LAMA3: variants seen among roughly 807,000 people sequenced by gnomAD.
LAMA3 encodes the protein laminin subunit alpha 3, also known as laminin subunit alpha-3.
A neutral mutation model predicts 402.0 loss-of-function variants in LAMA3; 281 were observed. That is an observed-to-expected ratio of 0.70 (90% CI 0.63 to 0.77). The LOEUF (loss-of-function observed/expected upper bound fraction) is 0.77, where lower values mean the gene tolerates loss of function less well. Ranked by LOEUF, LAMA3 falls within the 30% of genes least tolerant of loss-of-function variation. The pLI is 0.00. For synonymous variants in LAMA3, 1,431 were observed against 1,558.4 expected (o/e 0.92, Z 1.93); for missense variants, 3,840 against 4,215.5 (o/e 0.91, Z 2.47).
chr18:23,799,179 G>T (rs1443981270), intron 12 of LAMA3, among the ~76,000 whole-genome samples: 2 of 152,132 alleles, frequency 1.3e-5, no homozygotes, highest in African/African-American at 2.4e-5. Context: ...TTATTTCAAA[G>T]ACTTTTTTTG....
chr18:23,942,181 A>T (rs1288592933), intron 68 of LAMA3, among the ~76,000 whole-genome samples: 1 of 152,188 alleles, frequency 6.6e-6, no homozygotes, highest in Non-Finnish European at 1.5e-5. Context: ...TCAATTCAGT[A>T]ACTATTTATC....
intron 2 of LAMA3, among the ~76,000 whole-genome samples, chr18:23,714,732 A>G (rs1249996001): frequency 6.6e-6 from 1 of 152,186 alleles, no homozygotes; most frequent in Non-Finnish European, 1.5e-5. Flanking sequence ...CATTATGTAC[A>G]TTGGCATCAT....
chr18:23,828,540 T>C (rs1466816548), intron 23 of LAMA3, among the ~76,000 whole-genome samples: 4 of 152,150 alleles, frequency 2.6e-5, no homozygotes, highest in Non-Finnish European at 5.9e-5. Flanking sequence ...CATACATATA[T>C]ACATAAAATG....
chr18:23,934,785 C>A (rs1265143675), intron 67 of LAMA3, among the ~76,000 whole-genome samples: 1 of 152,230 alleles, frequency 6.6e-6, no homozygotes, highest in Non-Finnish European at 1.5e-5. Flanking sequence ...GGAGTTCCAA[C>A]CTAGGAGCCC....
intron 23 of LAMA3, among the ~76,000 whole-genome samples, chr18:23,831,141 A>G (rs1471008560): frequency 6.6e-6 from 1 of 152,162 alleles, no homozygotes; most frequent in African/African-American, 2.4e-5. Context: ...TCTCTGTAGA[A>G]GCCTCCTAAC....
chr18:23,870,651 C>T (rs1162725777), intron 37 of LAMA3, among the ~76,000 whole-genome samples: 3 of 151,972 alleles, frequency 2.0e-5, no homozygotes, highest in African/African-American at 7.3e-5. Context: ...ATATTATTCC[C>T]CCTTAAAAAT....
intron 2 of LAMA3, among the ~76,000 whole-genome samples, chr18:23,743,391 C>A (rs748794392): frequency 2.5e-4 from 38 of 152,128 alleles, no homozygotes; most frequent in Admixed American, 1.6e-3. Context: ...CCAAATGGTA[C>A]CTGCCCCTTG....
At chr18:23,858,326 G>C (rs1486746162) in intron 33 of LAMA3, among the ~76,000 whole-genome samples, 1 of 152,090 alleles carries the variant, frequency 6.6e-6, no homozygotes, top group Non-Finnish European at 1.5e-5. Flanking sequence ...GATCATCTCT[G>C]CTCCAAGGGG....
chr18:23,882,285 A>G (rs993368971), intron 40 of LAMA3, among the ~76,000 whole-genome samples: 2 of 152,222 alleles, frequency 1.3e-5, no homozygotes, highest in Admixed American at 6.5e-5. Flanking sequence ...TATGTAAATT[A>G]TATCTCAATA....
At chr18:23,883,112 A>C (rs1213516358) in intron 40 of LAMA3, among the ~76,000 whole-genome samples, 1 of 152,226 alleles carries the variant, frequency 6.6e-6, no homozygotes, top group East Asian at 1.9e-4. Context: ...GCAGAAGTGC[A>C]GTGTGAAGAG....
At chr18:23,840,069 C>G (rs2063664821) in intron 27 of LAMA3, 140 bp downstream of exon 27, 2 of 903,242 alleles carry the variant, frequency 2.2e-6, no homozygotes, top group Admixed American at 2.0e-5. Flanking sequence ...TGGGGGTGGG[C>G]CCAGGAATCT....
Position 23,861,802 on chromosome 18 carries a change from G to T in LAMA3, c.4579G>T (p.Asp1527Tyr). The part of the protein sequence containing the change: ...SWVAPTSYLG[D>Y]KVSSYGGYLT... The stretch of plus-strand genomic sequence containing the variant: ...GGTCGCACCCACCTCCTACCTGGGG[G>T]ACAAGGTAATGATGTCCTGCTGTTC... The change falls in exon 35 of 75, where the codon GAC (aspartate) becomes TAC (tyrosine). Residue 1527 changes from aspartate (D) to tyrosine (Y), a missense_variant. Physicochemically the swap from Asp to Tyr is radical, Grantham distance 160. Transcript: ENST00000313654. The T allele has an allele frequency of 6.2e-7, 1 of 1,612,384 alleles. No homozygotes were observed. The highest frequency in any genetic ancestry group is 8.5e-7 in the Non-Finnish European group (1 of 1,179,150).
intron 40 of LAMA3, among the ~76,000 whole-genome samples, chr18:23,883,265 C>T (rs1028709132): frequency 2.0e-5 from 3 of 152,186 alleles, no homozygotes; most frequent in African/African-American, 7.2e-5. Context: ...AGCTCTCATT[C>T]AGCCTCCAGA....
chr18:23,748,419 T>TTG, intron 3 of LAMA3, among the ~76,000 whole-genome samples: 1 of 124,874 alleles, frequency 8.0e-6, no homozygotes, highest in Non-Finnish European at 1.6e-5. Context: ...AGACTCTGTC[T>TTG]CAAAAAAAAA....
intron 2 of LAMA3, among the ~76,000 whole-genome samples, chr18:23,736,293 G>A (rs2061473748): frequency 6.7e-6 from 1 of 148,398 alleles, no homozygotes. Flanking sequence ...CTAGTTTGAC[G>A]TCTTCAATTT....
At chr18:23,820,943 G>T (rs939294376) in intron 19 of LAMA3, among the ~76,000 whole-genome samples, 1 of 152,032 alleles carries the variant, frequency 6.6e-6, no homozygotes, top group African/African-American at 2.4e-5. Context: ...TTCTGAAATG[G>T]TACCTAGGAT....
chr18:23,898,485 G>A, intron 44 of LAMA3: 1 of 523,578 alleles, frequency 1.9e-6, no homozygotes, highest in South Asian at 2.2e-5. Context: ...TATAAGGTTA[G>A]GTCATTAATT....
At chr18:23,946,020 C>A in intron 69 of LAMA3, 124 bp from the exon 70 acceptor site, 1 of 929,078 alleles carries the variant, frequency 1.1e-6, no homozygotes, top group Non-Finnish European at 1.8e-6. Context: ...AATCTCTCAT[C>A]TTTTGAAGCT....
chr18:23,713,895 A>T, intron 1 of LAMA3, 25 bp from the exon 2 acceptor site: 1 of 1,605,724 alleles, frequency 6.2e-7, no homozygotes, highest in Non-Finnish European at 8.5e-7. Context: ...CAAAAAACAA[A>T]AAAAACCCAC....
Sources: gnomAD v4.1 joint callset for allele counts (sites outside exome capture counted in the v4.1 genomes callset) on GRCh38, gnomAD v4.1.1 for gene constraint, MANE v1.5 for transcripts, NCBI Gene and HGNC (gene_info 2026-07-23, HGNC 2026-07-21) for gene names.